The following GFM2 variants were observed in gnomAD, a reference collection of about 807,000 sequenced individuals.
GFM2 encodes GTP dependent ribosome recycling factor mitochondrial 2.
A neutral mutation model predicts 95.4 loss-of-function variants in GFM2; 72 were observed. The ratio of observed to expected loss-of-function variants is 0.76; its 90% confidence interval spans 0.62 to 0.92. The LOEUF is 0.92. Among genes scored for constraint, GFM2 ranks in the 40% least tolerant of loss-of-function variants. The pLI, the probability that GFM2 is intolerant of heterozygous loss-of-function variation, is 0.00. For missense variants in GFM2, 825 were observed against 924.1 expected (o/e 0.89, Z 1.39); for synonymous variants, 276 against 317.5 (o/e 0.87, Z 1.39).
chr5:74,739,959 GAATTTT>G (rs1743030780), intron 12 of GFM2, 24 bp downstream of exon 12: 2 of 1,404,848 alleles, frequency 1.4e-6, no homozygotes, highest in African/African-American at 3.0e-5. Context: ...CAAAGCTATA[GAATTTT>G]AATATATGTG....
intron 1 of GFM2, among the ~76,000 whole-genome samples, chr5:74,765,360 G>A (rs1180601278): frequency 2.0e-5 from 3 of 152,092 alleles, no homozygotes; most frequent in Admixed American, 1.3e-4. Context: ...TGCCTCTACC[G>A]TAGTCAGGGG....
In GFM2 at chr5:74,751,480, T is replaced by A; in HGVS notation, c.318A>T (p.Gly106=). ...YTRSLGDVDD[G]DTVTDFMAQE... ...GGGCCATGAAATCTGTCACTGTGTC[T>A]CCATCATCAACATCTAGCCAGGAAA... The change falls in exon 6 of 21, where the codon GGA becomes GGT. Residue 106 remains glycine, a synonymous_variant. Coordinates refer to ENST00000296805, the MANE Select transcript of GFM2 (RefSeq NM_032380.5). 1 of 1,608,956 alleles carries A rather than the reference T, an allele frequency of 6.2e-7. No homozygotes were observed. Among genetic ancestry groups the A allele is most frequent in the Non-Finnish European group, 8.5e-7 (1 of 1,175,554 alleles).
chr5:74,764,056 A>G (rs1744418462), intron 1 of GFM2, among the ~76,000 whole-genome samples: 1 of 152,222 alleles, frequency 6.6e-6, no homozygotes, highest in African/African-American at 2.4e-5. Context: ...ATTACAAAAC[A>G]TTGTATCAAC....
intron 10 of GFM2, among the ~76,000 whole-genome samples, chr5:74,742,454 A>G (rs1268250229): frequency 6.6e-6 from 1 of 152,162 alleles, no homozygotes; most frequent in Non-Finnish European, 1.5e-5. Context: ...ACTCACAAAG[A>G]TGATAGTAGT....
intron 7 of GFM2, among the ~76,000 whole-genome samples, chr5:74,748,912 A>AAT (rs368414192): frequency 0.17 from 18,449 of 111,102 alleles, 1,457 homozygotes; most frequent in African/African-American, 0.26. Context: ...AATAAAATAA[A>AAT]AAAATAAAAA....
chr5:74,766,096 G>A (rs1443761520), intron 1 of GFM2, among the ~76,000 whole-genome samples: 1 of 152,148 alleles, frequency 6.6e-6, no homozygotes, highest in East Asian at 1.9e-4. Flanking sequence ...GCTCGTACCC[G>A]GGAGTTCGAG....
intron 16 of GFM2, among the ~76,000 whole-genome samples, chr5:74,732,406 T>C (rs1742620192): frequency 6.6e-6 from 1 of 152,140 alleles, no homozygotes; most frequent in South Asian, 2.1e-4. Context: ...TTATCCTTTT[T>C]AAAGATAAAT....
intron 16 of GFM2, 93 bp from the exon 17 acceptor site, chr5:74,730,491 TTTAA>T (rs1742503445): frequency 1.3e-6 from 1 of 792,846 alleles, no homozygotes; most frequent in Non-Finnish European, 1.8e-6. Flanking sequence ...CATACTTATT[TTTAA>T]TTAATTACAG....
At chr5:74,744,535 C>T (rs940905738) in intron 10 of GFM2, among the ~76,000 whole-genome samples, 1 of 151,958 alleles carries the variant, frequency 6.6e-6, no homozygotes, top group Non-Finnish European at 1.5e-5. Context: ...TATATACTAA[C>T]AATATAATAT....
At chr5:74,728,272 ACAGT>A (rs1303172059) in intron 17 of GFM2, among the ~76,000 whole-genome samples, 4 of 152,190 alleles carry the variant, frequency 2.6e-5, no homozygotes, top group Non-Finnish European at 5.9e-5. Context: ...CAACAAATAA[ACAGT>A]CAATTAACAC....
intron 3 of GFM2, among the ~76,000 whole-genome samples, chr5:74,760,078 C>T (rs1744197030): frequency 6.6e-6 from 1 of 152,116 alleles, no homozygotes; most frequent in African/African-American, 2.4e-5. Flanking sequence ...AGAAACAAGG[C>T]AGTTACATTT....
In GFM2 at chr5:74,724,456, A is replaced by AGTGAGCAT. The variant is rs560129723; in HGVS notation, c.2028+1183_2028+1184insATGCTCAC. Among the ~76,000 whole-genome samples the AGTGAGCAT allele has an allele frequency of 6.0e-5, 9 of 150,386 alleles. No individual in the cohort carries two copies. The South Asian group carries it at 1.7e-3, about 28-fold the overall frequency. The stretch of plus-strand genomic sequence containing the variant: ...AGTTCAAGACCAGCCTGGGCAACAT[A>AGTGAGCAT]GTGAGACCTTGTCTCTTAAAAAAAA... On this transcript the variant is annotated intron_variant, in intron 19 of 20. Coordinates refer to ENST00000296805, the MANE Select transcript of GFM2 (RefSeq NM_032380.5).
intron 2 of GFM2, among the ~76,000 whole-genome samples, chr5:74,762,019 G>C (rs1191198177): frequency 6.6e-6 from 1 of 152,196 alleles, no homozygotes; most frequent in Non-Finnish European, 1.5e-5. Context: ...AGCGTGCATA[G>C]TCTGAAAGCG....
chr5:74,751,381 T>C lies in GFM2; in HGVS notation c.417A>G (p.Leu139=), dbSNP rs369964880. ...TFDWKGYRVN[L]IDTPGHVDFT... ...ATCGTACCATACCTGGTGTATCAAT[T>C]AGATTGACTCTATAACCTTTCCAAT... The change falls in exon 6 of 21, where the codon CTA becomes CTG. Residue 139 remains leucine (L), a synonymous_variant. Coordinates refer to ENST00000296805, the MANE Select transcript of GFM2 (RefSeq NM_032380.5). The C allele has an allele frequency of 2.5e-6, 4 of 1,613,104 alleles. No individual in the cohort carries two copies. Among genetic ancestry groups the C allele is most frequent in the South Asian group, 2.2e-5 (2 of 90,968 alleles).
chr5:74,764,161 T>C (rs1224854429), intron 1 of GFM2, among the ~76,000 whole-genome samples: 8 of 152,232 alleles, frequency 5.3e-5, no homozygotes, highest in Non-Finnish European at 2.9e-5. Flanking sequence ...GTAAAATTTA[T>C]TGATTCATTT....
intron 16 of GFM2, among the ~76,000 whole-genome samples, chr5:74,731,032 C>T (rs1321159029): frequency 1.3e-5 from 2 of 152,058 alleles, no homozygotes; most frequent in Non-Finnish European, 2.9e-5. Flanking sequence ...AGGCTGGTCT[C>T]GAACTCGTGA....
At chr5:74,757,031 A>G (rs972032510) in intron 5 of GFM2, among the ~76,000 whole-genome samples, 1 of 152,148 alleles carries the variant, frequency 6.6e-6, no homozygotes, top group Non-Finnish European at 1.5e-5. Flanking sequence ...AACTTATGTA[A>G]CCAACCACCT....
At chr5:74,750,814 AT>A (rs1269753697) in intron 6 of GFM2, 147 bp from the exon 7 acceptor site, 1 of 612,654 alleles carries the variant, frequency 1.6e-6, no homozygotes, top group African/African-American at 1.9e-5. Flanking sequence ...TCTCAGAGCT[AT>A]TTGCACACCC....
chr5:74,766,180 C>T (rs575433982), intron 1 of GFM2, among the ~76,000 whole-genome samples: 1 of 151,906 alleles, frequency 6.6e-6, no homozygotes, highest in Non-Finnish European at 1.5e-5. Context: ...GTGGCGCGAG[C>T]CTGTAGCTCG....
Sources: allele counts gnomAD v4.1 joint callset (sites outside exome capture counted in the v4.1 genomes callset), GRCh38; gene constraint gnomAD v4.1.1; transcripts MANE v1.5; gene names NCBI Gene and HGNC (gene_info 2026-07-23, HGNC 2026-07-21).